The following TXNDC16 variants were observed in gnomAD, a reference collection of about 807,000 sequenced individuals.
TXNDC16 encodes thioredoxin domain-containing protein 16.
In TXNDC16, 74 loss-of-function variants were observed where a neutral mutation model predicts 85.6. The ratio of observed to expected loss-of-function variants is 0.86; its 90% CI spans 0.72 to 1.05. TXNDC16 has a LOEUF of 1.05. Among genes scored for constraint, TXNDC16 ranks in the 50% least tolerant of loss-of-function variants. TXNDC16 has a pLI of 0.00. For synonymous variants in TXNDC16, 335 were observed against 326.5 expected (o/e 1.03, Z -0.28); for missense variants, 959 against 947.0 (o/e 1.01, Z -0.17).
chr14:52,493,216 T>TATATACAC, intron 9 of TXNDC16, among the ~76,000 whole-genome samples: 1 of 115,998 alleles, frequency 8.6e-6, no homozygotes, highest in African/African-American at 3.5e-5. Context: ...TATATATATA[T>TATATACAC]ACACACACAC....
At position 52,490,835 on chromosome 14, in the gene TXNDC16, A is replaced by G; in HGVS notation, c.923+4T>C. ...ATATAGTAAATATTCGATGTTTAAG[A>G]TACCTTAACAAGAGTAGAACTCCTG... On this transcript the variant is annotated splice_donor_region_variant and intron_variant, in intron 10 of 20. Transcript: ENST00000281741. 3 of 1,603,334 alleles carry G rather than the reference A, an allele frequency of 1.9e-6. No homozygotes were observed. In the South Asian group the frequency reaches 3.4e-5, roughly 18 times the overall value.
intron 5 of TXNDC16, 116 bp downstream of exon 5, chr14:52,537,483 C>T (rs1167639396): frequency 2.6e-6 from 2 of 754,988 alleles, no homozygotes; most frequent in Non-Finnish European, 4.4e-6. Context: ...TTTGGTTAAG[C>T]TTTACATGAT....
intron 6 of TXNDC16, among the ~76,000 whole-genome samples, chr14:52,535,086 ATTCT>A (rs2037668882): frequency 6.6e-6 from 1 of 152,320 alleles, no homozygotes; most frequent in South Asian, 2.1e-4. Context: ...ATTTGGATTC[ATTCT>A]TTATGAAAAG....
intron 1 of TXNDC16, among the ~76,000 whole-genome samples, chr14:52,550,390 T>C (rs1342529961): frequency 1.3e-5 from 2 of 152,150 alleles, no homozygotes; most frequent in African/African-American, 2.4e-5. Context: ...CTCAACACAG[T>C]TTATCATTTC....
chr14:52,485,327 GTGTT>G (rs1458512550), intron 12 of TXNDC16, among the ~76,000 whole-genome samples: 1 of 152,152 alleles, frequency 6.6e-6, no homozygotes, highest in Admixed American at 6.5e-5. Context: ...GCTGTATGAT[GTGTT>G]TGTGCTTTAA....
intron 7 of TXNDC16, among the ~76,000 whole-genome samples, chr14:52,516,007 T>C (rs2037075399): frequency 6.6e-6 from 1 of 152,138 alleles, no homozygotes; most frequent in African/African-American, 2.4e-5. Context: ...TTTTCTAATT[T>C]CTTCCTAAAC....
chr14:52,471,911 C>T (rs1284042166), intron 14 of TXNDC16, among the ~76,000 whole-genome samples: 1 of 150,008 alleles, frequency 6.7e-6, no homozygotes, highest in Non-Finnish European at 1.5e-5. Context: ...CACCATACAA[C>T]TCGAAAGAAT....
intron 6 of TXNDC16, among the ~76,000 whole-genome samples, chr14:52,522,351 C>T (rs1460038853): frequency 6.6e-6 from 1 of 152,104 alleles, no homozygotes; most frequent in East Asian, 1.9e-4. Flanking sequence ...TTGGGGGCTG[C>T]CCACTCCCTT....
At chr14:52,501,227 T>C (rs1249882832) in intron 9 of TXNDC16, among the ~76,000 whole-genome samples, 2 of 152,090 alleles carry the variant, frequency 1.3e-5, no homozygotes, top group African/African-American at 4.8e-5. Flanking sequence ...GTGTTATATA[T>C]CTACAATTAG....
chr14:52,444,574 T>C (rs534552121), intron 18 of TXNDC16, among the ~76,000 whole-genome samples: 5 of 152,238 alleles, frequency 3.3e-5, no homozygotes, highest in African/African-American at 1.2e-4. Flanking sequence ...AATAAAAACA[T>C]TGGAAACAAA....
chr14:52,494,650 A>G (rs1292016374), intron 9 of TXNDC16, among the ~76,000 whole-genome samples: 1 of 152,244 alleles, frequency 6.6e-6, no homozygotes, highest in African/African-American at 2.4e-5. Context: ...GGGCCAGATC[A>G]TTGAAAGCCA....
chr14:52,492,617 C>A (rs1254847229), intron 9 of TXNDC16, among the ~76,000 whole-genome samples: 1 of 152,212 alleles, frequency 6.6e-6, no homozygotes, highest in Non-Finnish European at 1.5e-5. Context: ...CTTCAGGGTC[C>A]ATCTGAGCAC....
intron 4 of TXNDC16, among the ~76,000 whole-genome samples, chr14:52,541,520 A>C (rs1444095899): frequency 6.6e-6 from 1 of 152,232 alleles, no homozygotes; most frequent in Non-Finnish European, 1.5e-5. Flanking sequence ...TACGTACAGA[A>C]TTGACACATT....
At chr14:52,488,601 C>T (rs111838850) in intron 11 of TXNDC16, 115 bp from the exon 12 acceptor site, 20 of 748,104 alleles carry the variant, frequency 2.7e-5, no homozygotes, top group African/African-American at 9.1e-5. Flanking sequence ...TTTGGGAGGT[C>T]GAGGCAGGCG....
At chr14:52,461,632 G>A (rs977122351) in intron 16 of TXNDC16, among the ~76,000 whole-genome samples, 1 of 152,198 alleles carries the variant, frequency 6.6e-6, no homozygotes, top group Non-Finnish European at 1.5e-5. Context: ...CATACCAGAT[G>A]TCAGGACAGA....
rs764687804 is a variant in TXNDC16, at chr14:52,537,647, G to A, written c.269C>T (p.Ser90Leu). 6.3e-7 allele frequency: 1 copy of A among 1,589,838 alleles called. No homozygotes were observed. Among genetic ancestry groups the A allele is most frequent in the Non-Finnish European group, 8.6e-7 (1 of 1,160,280 alleles). The change falls in exon 5 of 21, where the codon TCA (serine) becomes TTA (leucine). Residue 90 changes from serine to leucine, a missense_variant. Ser to Leu is a moderately radical substitution (Grantham distance 145). Transcript: ENST00000281741. ...AKVNCVKEEI[S>L]RYCGKEKDLM... ...ATCCTTTTCTTTTCCACAGTATCTT[G>A]ATATTTCTTCTTTGACACAATTAAC... is the stretch of plus-strand genomic sequence containing the variant.
chr14:52,546,345 T>C (rs989627127), intron 1 of TXNDC16, among the ~76,000 whole-genome samples: 2 of 152,128 alleles, frequency 1.3e-5, no homozygotes, highest in Admixed American at 6.6e-5. Context: ...CAGAACCAAG[T>C]GATGAGTACC....
chr14:52,477,140 C>T (rs896102247), intron 14 of TXNDC16, among the ~76,000 whole-genome samples: 8 of 152,192 alleles, frequency 5.3e-5, no homozygotes, highest in Admixed American at 4.6e-4. Context: ...GAATTCGCCA[C>T]TACCAAGCCA....
chr14:52,473,898 T>TGTA (rs1555336085), intron 14 of TXNDC16, among the ~76,000 whole-genome samples: 92 of 151,764 alleles, frequency 6.1e-4, no homozygotes, highest in African/African-American at 2.0e-3. Context: ...CCCAAGGTAT[T>TGTA]ATATTTTCCT....
Sources: gnomAD v4.1 joint callset for allele counts (sites outside exome capture counted in the v4.1 genomes callset) on GRCh38, gnomAD v4.1.1 for gene constraint, MANE v1.5 for transcripts, NCBI Gene and HGNC (gene_info 2026-07-23, HGNC 2026-07-21) for gene names.